Variants in FAM107A observed in about 807,000 individuals in gnomAD.
FAM107A encodes actin-associated protein FAM107A.
FAM107A carries 19 observed loss-of-function variants against 13.7 expected under a neutral mutation model. The observed-to-expected ratio is 1.38, with a 90% CI of 0.97 to 2.03. The LOEUF (loss-of-function observed/expected upper bound fraction) is 2.03. Ranked by LOEUF, FAM107A falls within the 30% of genes most tolerant of loss-of-function variation. The pLI, the probability that FAM107A is intolerant of heterozygous loss-of-function variation, is 0.00. For missense variants in FAM107A, 203 were observed against 184.4 expected, an observed-to-expected ratio of 1.10 and a Z score of -0.58; for synonymous variants, 82 against 74.5, an observed-to-expected ratio of 1.10 and a Z score of -0.52.
intron 1 of FAM107A, among the ~76,000 whole-genome samples, chr3:58,571,790 C>T (rs1045551986): frequency 3.2e-4 from 48 of 152,202 alleles, no homozygotes; most frequent in African/African-American, 1.1e-3. Context: ...CAGCTCTCTT[C>T]CTGTTCAGCT....
chr3:58,607,175 C>T (rs11922962), intron 1 of FAM107A: 29,025 of 152,176 alleles, frequency 0.19, 3,446 homozygotes, highest in East Asian at 0.46. Flanking sequence ...ATTTCTATTC[C>T]CTCTCTGGTT....
At chr3:58,582,008 G>A (rs576675591), upstream of FAM107A, among the ~76,000 whole-genome samples, 8 of 152,114 alleles carry the variant, frequency 5.3e-5, no homozygotes, top group South Asian at 2.1e-4. Flanking sequence ...GTGTGTGTGC[G>A]TGTGTGTGTC....
intron 1 of FAM107A, among the ~76,000 whole-genome samples, chr3:58,593,556 C>A (rs1407405836): frequency 1.3e-5 from 2 of 151,734 alleles, no homozygotes; most frequent in Non-Finnish European, 2.9e-5. Flanking sequence ...AGGTACACTC[C>A]AATTCTTCTA....
upstream of FAM107A, among the ~76,000 whole-genome samples, chr3:58,589,013 C>A (rs1392309239): frequency 6.6e-6 from 1 of 152,114 alleles, no homozygotes; most frequent in African/African-American, 2.4e-5. Context: ...TGCTCGAGAT[C>A]ACATAATGAG....
upstream of FAM107A, among the ~76,000 whole-genome samples, chr3:58,582,067 C>T (rs956856940): frequency 4.6e-5 from 7 of 152,108 alleles, no homozygotes; most frequent in African/African-American, 1.7e-4. Context: ...TGCAGGAGAA[C>T]CTGGGCAGAC....
chr3:58,577,734 A>G (rs2063742647), upstream of FAM107A: 3 of 984,806 alleles, frequency 3.0e-6, no homozygotes, highest in Non-Finnish European at 2.4e-6. This position sits in a 1 kb window ranked among gnomAD's most constrained non-coding sequence, Gnocchi z 4.9. Flanking sequence ...GCACTTCCCC[A>G]TGGGAGGGGA....
chr3:58,586,582 G>C (rs1313256803), intron 1 of FAM107A, among the ~76,000 whole-genome samples: 1 of 152,012 alleles, frequency 6.6e-6, no homozygotes, highest in East Asian at 1.9e-4. Context: ...CCAGCTACTC[G>C]GGAGGCTGAG....
intron 1 of FAM107A, among the ~76,000 whole-genome samples, chr3:58,610,642 T>C (rs759079590): frequency 2.0e-5 from 3 of 152,234 alleles, no homozygotes; most frequent in Non-Finnish European, 4.4e-5. Flanking sequence ...AGGTGGTGTA[T>C]AGTAAGTGCT....
intron 1 of FAM107A, among the ~76,000 whole-genome samples, chr3:58,584,171 C>A (rs907014749): frequency 6.6e-6 from 1 of 152,092 alleles, no homozygotes; most frequent in Non-Finnish European, 1.5e-5. Context: ...GCTTCACTCT[C>A]GATGAGTTGT....
intron 1 of FAM107A, among the ~76,000 whole-genome samples, chr3:58,606,392 G>A (rs1008679555): frequency 4.6e-5 from 7 of 152,184 alleles, no homozygotes; most frequent in South Asian, 2.1e-4. Context: ...CACCATGCCC[G>A]GCCTATGCAG....
At chr3:58,598,458 C>A (rs1013951890) in intron 1 of FAM107A, among the ~76,000 whole-genome samples, 2 of 152,208 alleles carry the variant, frequency 1.3e-5, no homozygotes, top group African/African-American at 4.8e-5. Context: ...CAGAAAACTG[C>A]CTTCCTGGAA....
At chr3:58,568,896 C>A (rs1215253428) in intron 2 of FAM107A, among the ~76,000 whole-genome samples, 1 of 152,192 alleles carries the variant, frequency 6.6e-6, no homozygotes, top group East Asian at 1.9e-4. Flanking sequence ...CCCCTGCCAC[C>A]TCCCAGATGC....
chr3:58,588,918 G>A (rs142957855), upstream of FAM107A, among the ~76,000 whole-genome samples: 11,269 of 152,192 alleles, frequency 0.074, 504 homozygotes, highest in Non-Finnish European at 0.097. Context: ...TCAAAGTGCT[G>A]GGATTACAGG....
At chr3:58,576,781 G>A (rs1281866698) in intron 1 of FAM107A, among the ~76,000 whole-genome samples, 1 of 152,224 alleles carries the variant, frequency 6.6e-6, no homozygotes, top group Non-Finnish European at 1.5e-5. Context: ...CATATCTCAT[G>A]AAATATGAAA....
intron 1 of FAM107A, among the ~76,000 whole-genome samples, chr3:58,571,517 A>C (rs2063683689): frequency 6.6e-6 from 1 of 152,136 alleles, no homozygotes; most frequent in Non-Finnish European, 1.5e-5. Flanking sequence ...TTTGGTCCTT[A>C]AAAAGTGATC....
chr3:58,578,442 C>A (rs1413841577), upstream of FAM107A, among the ~76,000 whole-genome samples: 1 of 151,908 alleles, frequency 6.6e-6, no homozygotes, highest in Admixed American at 6.6e-5. Flanking sequence ...GTGGCACACA[C>A]CTGTAATCCC....
chr3:58,586,723 G>A, intron 1 of FAM107A: 1 of 959,786 alleles, frequency 1.0e-6, no homozygotes, highest in Non-Finnish European at 1.4e-6. Flanking sequence ...CAAAAAGAAT[G>A]ACGGAAGGTT....
intron 1 of FAM107A, among the ~76,000 whole-genome samples, chr3:58,608,429 G>A (rs1039676022): frequency 1.3e-5 from 2 of 152,156 alleles, no homozygotes; most frequent in East Asian, 1.9e-4. Flanking sequence ...AGCCTCCTAG[G>A]CCAGATCTTT....
At chr3:58,626,266 A>G (rs1440307297) in intron 1 of FAM107A, among the ~76,000 whole-genome samples, 1 of 152,140 alleles carries the variant, frequency 6.6e-6, no homozygotes, top group Non-Finnish European at 1.5e-5. Context: ...ACTGTTTCAC[A>G]AGCTCCCTCC....
Sources: allele counts gnomAD v4.1 joint callset (sites outside exome capture counted in the v4.1 genomes callset), GRCh38; gene constraint gnomAD v4.1.1; non-coding constraint Gnocchi (gnomAD v3.1); transcripts MANE v1.5; gene names NCBI Gene and HGNC (gene_info 2026-07-23, HGNC 2026-07-21).